The following RNLS variants were observed in gnomAD, a reference collection of about 807,000 sequenced individuals.
RNLS encodes the protein renalase.
Under a neutral mutation model 39.8 loss-of-function variants are expected in RNLS, and 39 were observed. The observed-to-expected ratio is 0.98, with a 90% CI of 0.76 to 1.28. The LOEUF (loss-of-function observed/expected upper bound fraction) is 1.28, where lower values mean the gene tolerates loss of function less well. RNLS is among the 50% of genes most tolerant of loss of function. The pLI, the probability that RNLS is intolerant of heterozygous loss-of-function variation, is 0.00. For synonymous variants in RNLS, 147 were observed against 150.7 expected (o/e 0.98, Z 0.18); for missense variants, 410 against 413.3 (o/e 0.99, Z 0.07).
At chr10:88,385,576 G>T (rs904953416) in intron 4 of RNLS, among the ~76,000 whole-genome samples, 2 of 152,212 alleles carry the variant, frequency 1.3e-5, no homozygotes, top group Non-Finnish European at 1.5e-5. Flanking sequence ...TCAAGGAAAA[G>T]GTTGACCCCA....
At chr10:88,447,788 G>T (rs374504635) in intron 4 of RNLS, among the ~76,000 whole-genome samples, 4 of 152,162 alleles carry the variant, frequency 2.6e-5, no homozygotes, top group African/African-American at 2.4e-5. Flanking sequence ...CAAAACAGCA[G>T]GGTACTGGTA....
chr10:88,509,465 AAGAGG>A (rs1160666226), intron 4 of RNLS, among the ~76,000 whole-genome samples: 4 of 138,132 alleles, frequency 2.9e-5, no homozygotes, highest in South Asian at 2.7e-4. Context: ...AAAAGGAGAG[AAGAGG>A]AGAGGAGAGG....
intron 4 of RNLS, among the ~76,000 whole-genome samples, chr10:88,420,179 T>C (rs982109403): frequency 5.3e-5 from 8 of 152,058 alleles, no homozygotes; most frequent in African/African-American, 1.9e-4. Flanking sequence ...AGGGCTAGTA[T>C]ATAATAGGCG....
At chr10:88,242,588 A>G in the RNLS span, among the ~76,000 whole-genome samples, 1 of 152,192 alleles carries the variant, frequency 6.6e-6, no homozygotes, top group Non-Finnish European at 1.5e-5. Flanking sequence ...AAACTTTACA[A>G]CAACCAACCT....
the RNLS span, among the ~76,000 whole-genome samples, chr10:88,221,776 C>T: frequency 6.6e-6 from 1 of 152,120 alleles, no homozygotes. Context: ...TCATTCTCCA[C>T]TCCTGAGCCC....
chr10:88,355,062 C>T (rs1849044697), intron 5 of RNLS, among the ~76,000 whole-genome samples: 1 of 152,192 alleles, frequency 6.6e-6, no homozygotes, highest in South Asian at 2.1e-4. Flanking sequence ...TTTTCAGCTC[C>T]ATCAGGTCCT....
At chr10:88,363,381 C>T (rs1849792907) in intron 4 of RNLS, among the ~76,000 whole-genome samples, 1 of 152,038 alleles carries the variant, frequency 6.6e-6, no homozygotes, top group South Asian at 2.1e-4. Context: ...GAGCATCCTG[C>T]ACATGTACAC....
chr10:88,199,999 T>C, the RNLS span, among the ~76,000 whole-genome samples: 1 of 152,126 alleles, frequency 6.6e-6, no homozygotes, highest in African/African-American at 2.4e-5. Context: ...CATGCTGGCA[T>C]ATGGCTGTTG....
At chr10:88,514,779 C>T (rs1165319442) in intron 4 of RNLS, among the ~76,000 whole-genome samples, 1 of 151,966 alleles carries the variant, frequency 6.6e-6, no homozygotes, top group African/African-American at 2.4e-5. Flanking sequence ...TATTAAGTTG[C>T]CTGTATAGAC....
chr10:88,417,446 T>C lies in RNLS; in HGVS notation c.527-54721A>G, dbSNP rs530593285. ...TTTTAAAACAGCAAGAGTCCACATT[T>C]ATGGAGAATTTTTATCAGTAAAACT... On this transcript the variant is annotated intron_variant, in intron 4 of 6. Coordinates refer to ENST00000331772, the MANE Select transcript of RNLS (RefSeq NM_001031709.3). 2.0e-5 allele frequency among the ~76,000 whole-genome samples: 3 copies of C among 152,344 alleles called. No homozygotes were observed. In the South Asian group the frequency reaches 6.2e-4, roughly 32 times the overall value.
At chr10:88,430,101 A>C (rs1304532352) in intron 4 of RNLS, among the ~76,000 whole-genome samples, 1 of 151,802 alleles carries the variant, frequency 6.6e-6, no homozygotes, top group Non-Finnish European at 1.5e-5. Context: ...TATGGGGAGA[A>C]TATTGATTCT....
At chr10:88,202,285 C>T in the RNLS span, among the ~76,000 whole-genome samples, 1 of 126,076 alleles carries the variant, frequency 7.9e-6, no homozygotes, top group African/African-American at 3.2e-5. Flanking sequence ...ACATCACACA[C>T]CGGGGCCTGA....
rs763368041 is a variant in RNLS, at chr10:88,582,287, A to G, written c.139T>C (p.Cys47Arg). The change falls in exon 2 of 7, where the codon TGC becomes CGC. Residue 47 changes from cysteine (C) to arginine (R), a missense_variant. Cys to Arg is a radical substitution (Grantham distance 180). Transcript: ENST00000331772. ...EDSGGRMTTA[C>R]SPHNPQCTAD... is the part of the protein sequence containing the mutation. ...GTGCACTGAGGATTATGAGGACTGCAGGCTGTAGTCATTCTTCCCCCTTGA... is the reference window on the plus strand; with the variant it reads ...GTGCACTGAGGATTATGAGGACTGCGGGCTGTAGTCATTCTTCCCCCTTGA... 5 of 1,613,806 alleles carry G rather than the reference A, an allele frequency of 3.1e-6. No homozygotes were observed. The highest frequency in any genetic ancestry group is 3.4e-6 in the Non-Finnish European group (4 of 1,179,832).
intron 4 of RNLS, among the ~76,000 whole-genome samples, chr10:88,377,392 A>G (rs1271828917): frequency 6.6e-6 from 1 of 152,196 alleles, no homozygotes; most frequent in Non-Finnish European, 1.5e-5. Context: ...CAATGGGAAT[A>G]TGTTCTGAGA....
chr10:88,431,136 A>G (rs1424477537), intron 4 of RNLS, among the ~76,000 whole-genome samples: 1 of 151,698 alleles, frequency 6.6e-6, no homozygotes, highest in Non-Finnish European at 1.5e-5. Flanking sequence ...TTAACTACAA[A>G]TTCAATTTCT....
rs535743781 is a variant in RNLS, at chr10:88,300,736, G to A, written c.876+13730C>T. On this transcript the variant is annotated intron_variant, in intron 6 of 6. Coordinates refer to ENST00000331772, the MANE Select transcript of RNLS (RefSeq NM_001031709.3). ...TTGAGTCTTTAGAACCCAGTTCAAT[G>A]TTTGACACATAGTGGAAGCTCAACA... is the stretch of plus-strand genomic sequence containing the variant. Among the ~76,000 whole-genome samples, 22 of 152,302 alleles carry A rather than the reference G, an allele frequency of 1.4e-4. No individual in the cohort carries two copies. The East Asian group carries it at 4.2e-3, about 29-fold the overall frequency.
chr10:88,192,366 A>G, the RNLS span, among the ~76,000 whole-genome samples: 1 of 152,294 alleles, frequency 6.6e-6, no homozygotes, highest in Non-Finnish European at 1.5e-5. Flanking sequence ...ATATCTAAGT[A>G]CCCATGAAAT....
chr10:88,333,202 G>A (rs754406138), intron 5 of RNLS, among the ~76,000 whole-genome samples: 1 of 151,944 alleles, frequency 6.6e-6, no homozygotes, highest in African/African-American at 2.4e-5. Flanking sequence ...GGAACTTCTC[G>A]GTCCCTGATA....
At chr10:88,438,593 A>G (rs1212966276) in intron 4 of RNLS, among the ~76,000 whole-genome samples, 3 of 152,232 alleles carry the variant, frequency 2.0e-5, no homozygotes, top group Non-Finnish European at 2.9e-5. Flanking sequence ...GAAGCAGAAA[A>G]GGTCAGATCC....
Sources: allele counts gnomAD v4.1 joint callset (sites outside exome capture counted in the v4.1 genomes callset), GRCh38; gene constraint gnomAD v4.1.1; transcripts MANE v1.5; gene names NCBI Gene and HGNC (gene_info 2026-07-23, HGNC 2026-07-21).